The following ITGA2 variants were observed in gnomAD, a reference collection of about 807,000 sequenced individuals.
ITGA2 encodes the protein integrin subunit alpha 2.
ITGA2 carries 101 observed loss-of-function variants against 146.3 expected under a neutral mutation model. The ratio of observed to expected loss-of-function variants is 0.69; its 90% CI spans 0.59 to 0.81. The LOEUF is 0.81. Among genes scored for constraint, ITGA2 ranks in the 40% least tolerant of loss-of-function variants. The probability of loss-of-function intolerance (pLI) is 0.00; values close to 1 mark genes in which losing one functional copy is unlikely to be tolerated. For synonymous variants in ITGA2, 477 were observed against 487.1 expected (o/e 0.98, Z 0.27); for missense variants, 1,281 against 1,402.7 (o/e 0.91, Z 1.39).
In ITGA2 at chr5:53,092,999, G is replaced by A. The variant is rs984574877; in HGVS notation, c.*2400G>A. 9 of 152,308 alleles carry A rather than the reference G, an allele frequency of 5.9e-5. No individual in the cohort carries two copies. The highest frequency in any genetic ancestry group is 2.2e-4 in the African/African-American group (9 of 41,406). The allele number at this position is 152,308 out of a possible 1,614,324, so 9.4% of individuals were successfully genotyped here. ...AGGTGCCTGTAATCCCAGTTACTCG[G>A]GAAGCTGAGGCAGGAGAATCACTTG... On this transcript the variant is annotated 3_prime_UTR_variant, in exon 30 of 30. Transcript: ENST00000296585.
intron 14 of ITGA2, 71 bp from the exon 15 acceptor site, chr5:53,065,770 A>C: frequency 1.2e-6 from 2 of 1,600,190 alleles, no homozygotes; most frequent in Non-Finnish European, 1.7e-6. Flanking sequence ...TATAATAATG[A>C]AATTCAGAGG....
Position 53,062,863 on chromosome 5 carries a change from T to A in ITGA2, c.1536T>A (p.Gly512=). 6.2e-7 allele frequency: 1 copy of A among 1,611,194 alleles called. No individual in the cohort carries two copies. The highest frequency in any genetic ancestry group is 1.1e-5 in the South Asian group (1 of 91,010). ...CCATTACAGACGTGCTCTTGGTAGG[T>A]GCACCAATGTACATGAGTGACCTAA... is the stretch of plus-strand genomic sequence containing the variant. The part of the protein sequence containing the change: ...KDTITDVLLV[G]APMYMSDLKK... The change falls in exon 13 of 30, where the codon GGT becomes GGA. Residue 512 remains glycine, a synonymous_variant. Transcript: ENST00000296585.
chr5:53,041,272 C>T (rs1036368793), intron 2 of ITGA2, among the ~76,000 whole-genome samples: 4 of 152,088 alleles, frequency 2.6e-5, no homozygotes, highest in Non-Finnish European at 5.9e-5. Context: ...TGCAAGAAAA[C>T]CCATATTCTC....
chr5:53,058,085 A>T lies in ITGA2; in HGVS notation c.1157A>T (p.Asp386Val), dbSNP rs1384342242. ...MEMSQVGFSA[D>V]YSSQNDILML... ...ATGTCACAAGTGGGATTCAGTGCAG[A>T]TTACTCTTCTCAAAATGTGCGTATA... is the stretch of plus-strand genomic sequence containing the variant. Residue 386 changes from aspartate (D) to valine (V), a missense_variant, in exon 10 of 30, where the codon GAT becomes GTT. By Grantham distance (152) the Asp-to-Val change is radical. Transcript: ENST00000296585. 1 of 1,611,008 alleles carries T rather than the reference A, an allele frequency of 6.2e-7. No individual in the cohort carries two copies. The highest frequency in any genetic ancestry group is 1.3e-5 in the African/African-American group (1 of 74,770).
In ITGA2 at chr5:53,016,548, C is replaced by G. The variant is rs144328383; in HGVS notation, c.65-10200C>G. 1.2e-3 allele frequency among the ~76,000 whole-genome samples: 182 copies of G among 152,222 alleles called. 1 individual carries two copies. The highest frequency in any genetic ancestry group is 4.1e-3 in the African/African-American group (171 of 41,552). On this transcript the variant is annotated intron_variant, in intron 1 of 29. Coordinates refer to ENST00000296585, the MANE Select transcript of ITGA2 (RefSeq NM_002203.4). ...TCTCTATTTTCGACTTTGGAGAATC[C>G]GATGACTATGTGTTTTGGGGATGAT...
chr5:52,999,685 CT>C (rs1266511415), intron 1 of ITGA2, among the ~76,000 whole-genome samples: 2 of 152,120 alleles, frequency 1.3e-5, no homozygotes, highest in Non-Finnish European at 2.9e-5. Context: ...AAAGCCTGTT[CT>C]TTGTCCCACA....
chr5:53,024,278 G>A (rs563739452), intron 1 of ITGA2, among the ~76,000 whole-genome samples: 86 of 152,256 alleles, frequency 5.6e-4, no homozygotes, highest in South Asian at 1.2e-3. Context: ...AGTAAGATGC[G>A]AGTTGGAATA....
rs1320295186 is a variant in ITGA2 at position 53,092,110 on chromosome 5, T to C, written c.*1511T>C. ...CACTTTGAGAAACACCACCCATTTC[T>C]ACTTTTTGCACCTTATTTTCTCTGT... On this transcript the variant is annotated 3_prime_UTR_variant, in exon 30 of 30. Coordinates refer to ENST00000296585, the MANE Select transcript of ITGA2 (RefSeq NM_002203.4). The C allele has an allele frequency of 6.6e-6, 1 of 152,290 alleles. No homozygotes were observed. The highest frequency in any genetic ancestry group is 1.5e-5 in the Non-Finnish European group (1 of 68,086). 9.4% of individuals were successfully genotyped at this position (152,290 alleles called of 1,614,324 possible).
intron 1 of ITGA2, among the ~76,000 whole-genome samples, chr5:53,025,010 T>A (rs995355332): frequency 6.6e-6 from 1 of 152,196 alleles, no homozygotes; most frequent in African/African-American, 2.4e-5. Context: ...TCCATCATAA[T>A]TTCCTGCCAT....
intron 1 of ITGA2, among the ~76,000 whole-genome samples, chr5:53,006,451 G>A (rs1741856796): frequency 6.6e-6 from 1 of 152,062 alleles, no homozygotes; most frequent in South Asian, 2.1e-4. Context: ...AAATTAATCT[G>A]TCTTTTAATT....
chr5:53,076,631 A>G (rs1293008496), intron 23 of ITGA2, among the ~76,000 whole-genome samples: 2 of 152,012 alleles, frequency 1.3e-5, no homozygotes, highest in East Asian at 3.9e-4. Flanking sequence ...TTTCTTCTAA[A>G]TATTTTTTGT....
chr5:53,076,303 C>G lies in ITGA2; in HGVS notation c.2825+999C>G, dbSNP rs188515990. Among the ~76,000 whole-genome samples the G allele has an allele frequency of 7.2e-5, 11 of 152,162 alleles. No individual in the cohort carries two copies. The East Asian group carries it at 1.7e-3, about 24-fold the overall frequency. ...CAGGTTTGTCTAACTTCTACCACAT[C>G]ACTCCAGCCCCTAAGAGCATGGAAT... On this transcript the variant is annotated intron_variant, in intron 23 of 29. Transcript: ENST00000296585.
chr5:53,069,550 G>A (rs972078076), intron 16 of ITGA2, among the ~76,000 whole-genome samples: 1 of 151,892 alleles, frequency 6.6e-6, no homozygotes, highest in Non-Finnish European at 1.5e-5. Flanking sequence ...GATGGAAGCA[G>A]AAAGAATATG....
At chr5:52,998,346 C>T (rs773674160) in intron 1 of ITGA2, among the ~76,000 whole-genome samples, 3 of 151,956 alleles carry the variant, frequency 2.0e-5, no homozygotes, top group African/African-American at 2.4e-5. Flanking sequence ...CCCAGCTACT[C>T]GAGAGGCTGA....
intron 1 of ITGA2, among the ~76,000 whole-genome samples, chr5:53,021,625 A>G (rs576128561): frequency 2.6e-5 from 4 of 152,144 alleles, no homozygotes; most frequent in Non-Finnish European, 1.5e-5. Flanking sequence ...TTCCCTGTCA[A>G]TCCTTCTGCA....
intron 7 of ITGA2, among the ~76,000 whole-genome samples, chr5:53,054,018 A>G (rs1298291283): frequency 6.6e-6 from 1 of 152,194 alleles, no homozygotes; most frequent in African/African-American, 2.4e-5. Flanking sequence ...TGATGTGGAT[A>G]GTGTAATTCA....
intron 7 of ITGA2, among the ~76,000 whole-genome samples, 154 bp downstream of exon 7, chr5:53,051,713 C>G (rs1744376955): frequency 6.6e-6 from 1 of 152,018 alleles, no homozygotes; most frequent in Non-Finnish European, 1.5e-5. Flanking sequence ...TCAGAGCATT[C>G]TATGTCTTGA....
chr5:53,026,558 A>G (rs1195781870), intron 1 of ITGA2, among the ~76,000 whole-genome samples, 190 bp from the exon 2 acceptor site: 1 of 152,212 alleles, frequency 6.6e-6, no homozygotes, highest in Non-Finnish European at 1.5e-5. Context: ...TTATGCATAT[A>G]TAGTATTTAG....
At chr5:53,055,197 A>G (rs1285575865) in intron 7 of ITGA2, among the ~76,000 whole-genome samples, 2 of 152,126 alleles carry the variant, frequency 1.3e-5, no homozygotes, top group Non-Finnish European at 2.9e-5. Context: ...AATGCATAAA[A>G]TTTATAACAG....
Sources: allele counts gnomAD v4.1 joint callset (sites outside exome capture counted in the v4.1 genomes callset), GRCh38; gene constraint gnomAD v4.1.1; transcripts MANE v1.5; gene names NCBI Gene and HGNC (gene_info 2026-07-23, HGNC 2026-07-21).